STAP1: variants seen among roughly 807,000 people sequenced by gnomAD.
STAP1 encodes the protein signal-transducing adaptor protein 1.
In STAP1, 30 loss-of-function variants were observed where a neutral mutation model predicts 37.8. That is an observed-to-expected ratio of 0.79 (90% CI 0.59 to 1.08). The LOEUF is 1.08. Among genes scored for constraint, STAP1 ranks in the 50% least tolerant of loss-of-function variants. The pLI is 0.00. For missense variants in STAP1, 357 were observed against 349.4 expected, an observed-to-expected ratio of 1.02 and a Z score of -0.17; for synonymous variants, 130 against 116.0, an observed-to-expected ratio of 1.12 and a Z score of -0.78.
intron 1 of STAP1, among the ~76,000 whole-genome samples, chr4:67,565,659 G>C (rs921184995): frequency 6.6e-6 from 1 of 151,944 alleles, no homozygotes; most frequent in Non-Finnish European, 1.5e-5. Flanking sequence ...TACATTATTA[G>C]TCCATTCAAT....
At chr4:67,574,244 A>G (rs1277744907) in intron 2 of STAP1, among the ~76,000 whole-genome samples, 7 of 152,056 alleles carry the variant, frequency 4.6e-5, no homozygotes, top group Admixed American at 4.6e-4. Flanking sequence ...GCTTTCCTTG[A>G]TTTTTGCCTA....
intron 8 of STAP1, among the ~76,000 whole-genome samples, chr4:67,603,272 T>G (rs1218240898): frequency 2.0e-5 from 3 of 151,818 alleles, no homozygotes; most frequent in Admixed American, 2.0e-4. Context: ...CCATTTAGGG[T>G]AAGGGGCGCC....
At chr4:67,577,522 G>A (rs1393307179) in intron 4 of STAP1, among the ~76,000 whole-genome samples, 2 of 152,138 alleles carry the variant, frequency 1.3e-5, no homozygotes, top group Non-Finnish European at 2.9e-5. Context: ...GGAGTAACGG[G>A]TGGTAAAGGA....
intron 1 of STAP1, among the ~76,000 whole-genome samples, chr4:67,560,643 G>GGGT (rs370510074): frequency 6.7e-6 from 1 of 149,490 alleles, no homozygotes. Context: ...TGTGTGTGTG[G>GGGT]GTGTGTGTCT....
intron 2 of STAP1, 113 bp downstream of exon 2, chr4:67,571,268 T>A: frequency 1.4e-6 from 1 of 711,510 alleles, no homozygotes; most frequent in Non-Finnish European, 2.3e-6. Flanking sequence ...CTGGTAAAAT[T>A]AATTCAAAAA....
At chr4:67,597,600 CAG>C (rs1728253878) in intron 8 of STAP1, among the ~76,000 whole-genome samples, 1 of 152,226 alleles carries the variant, frequency 6.6e-6, no homozygotes, top group East Asian at 1.9e-4. Flanking sequence ...ATGTACCCTG[CAG>C]AGTCACAGGG....
intron 2 of STAP1, among the ~76,000 whole-genome samples, chr4:67,572,001 CT>C (rs1464290278): frequency 1.3e-5 from 2 of 152,162 alleles, no homozygotes; most frequent in Non-Finnish European, 2.9e-5. Context: ...TTATTCTAAC[CT>C]TTTCTATTGC....
chr4:67,583,400 G>A (rs1364336689), intron 5 of STAP1, among the ~76,000 whole-genome samples, 174 bp from the exon 6 acceptor site: 1 of 152,130 alleles, frequency 6.6e-6, no homozygotes, highest in Non-Finnish European at 1.5e-5. Context: ...TACACAGAGT[G>A]GCACAGGCTT....
intron 3 of STAP1, 146 bp from the exon 4 acceptor site, chr4:67,577,057 T>C (rs1727737962): frequency 3.4e-6 from 2 of 588,196 alleles, no homozygotes; most frequent in African/African-American, 3.8e-5. Flanking sequence ...AGTATTGAAA[T>C]ATTTCATAAA....
At chr4:67,584,561 A>G (rs909876291) in intron 6 of STAP1, among the ~76,000 whole-genome samples, 4 of 152,204 alleles carry the variant, frequency 2.6e-5, no homozygotes, top group Non-Finnish European at 5.9e-5. Context: ...TTGTTTTAAT[A>G]TAGAGTGGTC....
intron 6 of STAP1, among the ~76,000 whole-genome samples, chr4:67,586,093 T>A (rs2319418): frequency 0.19 from 29,496 of 152,040 alleles, 3,216 homozygotes; most frequent in Middle Eastern, 0.28. Flanking sequence ...GGTTGATACA[T>A]TTACACGTGA....
At chr4:67,600,108 C>T (rs1728308907) in intron 8 of STAP1, among the ~76,000 whole-genome samples, 1 of 151,922 alleles carries the variant, frequency 6.6e-6, no homozygotes, top group African/African-American at 2.4e-5. Flanking sequence ...TTATTTGAAA[C>T]TTTTCTACTT....
In STAP1 at chr4:67,606,220, A is replaced by G. The variant is rs1243247273; in HGVS notation, c.827-76A>G. The G allele has an allele frequency of 5.7e-6, 7 of 1,223,616 alleles. No homozygotes were observed. The South Asian group carries it at 8.2e-5, about 14-fold the overall frequency. 75.8% of individuals were successfully genotyped at this position (1,223,616 alleles called of 1,614,324 possible). ...GTTCCACACACGAGCAGGAAAATCA[A>G]CTCACTGAAAATAAAGAACCACCGT... is the stretch of plus-strand genomic sequence containing the variant. On this transcript the variant is annotated intron_variant, in intron 8 of 8. Coordinates refer to ENST00000265404, the MANE Select transcript of STAP1 (RefSeq NM_012108.4).
At chr4:67,581,735 G>A (rs779850287) in intron 5 of STAP1, among the ~76,000 whole-genome samples, 3 of 152,040 alleles carry the variant, frequency 2.0e-5, no homozygotes, top group Non-Finnish European at 4.4e-5. Flanking sequence ...CAGAGCTCAC[G>A]CCTAAATAAA....
intron 6 of STAP1, 44 bp downstream of exon 6, chr4:67,583,746 G>A (rs1225842072): frequency 1.8e-5 from 28 of 1,589,918 alleles, no homozygotes; most frequent in South Asian, 9.1e-5. Context: ...TAAAAGCGTG[G>A]TATCACTAAA....
At chr4:67,580,532 T>C (rs1217624446) in intron 4 of STAP1, among the ~76,000 whole-genome samples, 3 of 152,308 alleles carry the variant, frequency 2.0e-5, no homozygotes, top group Middle Eastern at 3.4e-3. Context: ...CATGCACTCT[T>C]CTCTGAAGAT....
chr4:67,581,958 T>C lies in STAP1; in HGVS notation c.530+487T>C, dbSNP rs151334668. Among the ~76,000 whole-genome samples the C allele has an allele frequency of 3.7e-4, 56 of 152,238 alleles. No homozygotes were observed. In the East Asian group the frequency reaches 0.01, roughly 28 times the overall value. On this transcript the variant is annotated intron_variant, in intron 5 of 8. Transcript: ENST00000265404. ...TGGAAAAATAAAGAAGTGCAGAAAA[T>C]GCTAAATTCACCAACATCCTACATT...
intron 8 of STAP1, among the ~76,000 whole-genome samples, chr4:67,602,691 T>C (rs1728369298): frequency 6.6e-6 from 1 of 152,014 alleles, no homozygotes; most frequent in African/African-American, 2.4e-5. Context: ...TCCCTTACTT[T>C]CCCCCCAACA....
chr4:67,587,865 C>T (rs1217816794), intron 6 of STAP1, among the ~76,000 whole-genome samples: 1 of 151,120 alleles, frequency 6.6e-6, no homozygotes, highest in Non-Finnish European at 1.5e-5. Context: ...GGATTACAAG[C>T]ATGTGCCACC....
Sources: allele counts gnomAD v4.1 joint callset (sites outside exome capture counted in the v4.1 genomes callset), GRCh38; gene constraint gnomAD v4.1.1; transcripts MANE v1.5; gene names NCBI Gene and HGNC (gene_info 2026-07-23, HGNC 2026-07-21).